The following PDCD11 variants were observed in gnomAD, a reference collection of about 807,000 sequenced individuals.
PDCD11 encodes the protein protein RRP5 homolog.
In PDCD11, 97 loss-of-function variants were observed where a neutral mutation model predicts 198.9. The ratio of observed to expected loss-of-function variants is 0.49; its 90% CI spans 0.41 to 0.58. The LOEUF is 0.58. Ranked by LOEUF, PDCD11 falls within the 20% of genes least tolerant of loss-of-function variation. The probability of loss-of-function intolerance (pLI) is 0.00; values close to 1 mark genes in which losing one functional copy is unlikely to be tolerated. For missense variants in PDCD11, 2,102 were observed against 2,312.7 expected, an observed-to-expected ratio of 0.91 and a Z score of 1.87; for synonymous variants, 893 against 918.0, an observed-to-expected ratio of 0.97 and a Z score of 0.49.
intron 8 of PDCD11, 25 bp downstream of exon 8, chr10:103,409,831 T>C (rs1331451735): frequency 5.8e-6 from 9 of 1,556,360 alleles, no homozygotes; most frequent in African/African-American, 1.4e-5. Flanking sequence ...GCCTATATTT[T>C]CTTGATTCCA....
chr10:103,413,887 T>C lies in PDCD11; in HGVS notation c.1186-79T>C, dbSNP rs1224040108. The C allele has an allele frequency of 2.9e-6, 4 of 1,356,036 alleles. No homozygotes were observed. In the Admixed American group the frequency reaches 9.3e-5, roughly 31 times the overall value. The allele number at this position is 1,356,036 out of a possible 1,614,324, so 84.0% of individuals were successfully genotyped here. Reference sequence around the variant, plus strand: ...TTTATGGTACATGATAAGTGTTGAGTCCTCTCTATGGGCTGTAAGGTCTCA... The same window carrying C: ...TTTATGGTACATGATAAGTGTTGAGCCCTCTCTATGGGCTGTAAGGTCTCA... On this transcript the variant is annotated intron_variant, in intron 9 of 35. Coordinates refer to ENST00000369797, the MANE Select transcript of PDCD11 (RefSeq NM_014976.2).
In PDCD11 at chr10:103,440,597, G is replaced by C. The variant is rs376170697; in HGVS notation, c.4440+16G>C. The C allele has an allele frequency of 1.5e-4, 240 of 1,608,872 alleles. No homozygotes were observed. Among genetic ancestry groups the C allele is most frequent in the Non-Finnish European group, 1.9e-4 (227 of 1,178,290 alleles). Reference sequence around the variant, plus strand: ...GAGTGAGCAGGTGAGGTCCTGCGGAGGGCTGTGGCTGCCTATCCTCCTCCT... The same window carrying C: ...GAGTGAGCAGGTGAGGTCCTGCGGACGGCTGTGGCTGCCTATCCTCCTCCT... On this transcript the variant is annotated intron_variant, in intron 29 of 35. Coordinates refer to ENST00000369797, the MANE Select transcript of PDCD11 (RefSeq NM_014976.2).
chr10:103,422,878 G>C, intron 17 of PDCD11, 110 bp from the exon 18 acceptor site: 11 of 1,035,932 alleles, frequency 1.1e-5, no homozygotes, highest in Non-Finnish European at 1.4e-5. Context: ...TACCTTGTCA[G>C]TGGTTCCAGT....
intron 21 of PDCD11, 64 bp downstream of exon 21, chr10:103,427,455 C>T (rs973851161): frequency 2.6e-5 from 34 of 1,284,244 alleles, no homozygotes; most frequent in Non-Finnish European, 2.8e-5. Flanking sequence ...TTAGGAATCC[C>T]GAATTCGAAT....
chr10:103,411,221 C>T (rs1049707244), intron 8 of PDCD11, among the ~76,000 whole-genome samples: 2 of 152,018 alleles, frequency 1.3e-5, no homozygotes, highest in African/African-American at 4.8e-5. Context: ...TGGCTCCGCT[C>T]GTATTTAAAT....
intron 12 of PDCD11, 66 bp from the exon 13 acceptor site, chr10:103,416,416 AAGAGGTTGC>A (rs2133701424): frequency 6.5e-7 from 1 of 1,530,790 alleles, no homozygotes; most frequent in African/African-American, 1.4e-5. Context: ...TTTTGGGTTT[AAGAGGTTGC>A]AGAGACCAGC....
At chr10:103,419,770 CGGG>C in intron 16 of PDCD11, 62 bp downstream of exon 16, 1 of 1,456,060 alleles carries the variant, frequency 6.9e-7, no homozygotes, top group Non-Finnish European at 9.5e-7. Context: ...AACCTGAGGG[CGGG>C]TAGGGAGGAG....
In PDCD11 at chr10:103,418,530, C is replaced by T. The variant is rs1348887606; in HGVS notation, c.2002C>T (p.His668Tyr). The T allele has an allele frequency of 1.2e-6, 2 of 1,614,174 alleles. No homozygotes were observed. Among genetic ancestry groups the T allele is most frequent in the East Asian group, 2.2e-5 (1 of 44,882 alleles). ...CATCCGTGCTTTCCTCCCCACATCT[C>T]ATCTGTCGGACCACGTTGCCAACGG... Reference protein sequence around the residue: ...HNIRAFLPTSHLSDHVANGPL... With the variant: ...HNIRAFLPTSYLSDHVANGPL... Residue 668 changes from histidine to tyrosine, a missense_variant, in exon 15 of 36, where the codon CAT becomes TAT. By Grantham distance (83) the His-to-Tyr change is moderately conservative. Coordinates refer to ENST00000369797, the MANE Select transcript of PDCD11 (RefSeq NM_014976.2).
In PDCD11 at chr10:103,434,944, C is replaced by T; in HGVS notation, c.3814C>T (p.Leu1272=). 1 of 1,585,188 alleles carries T rather than the reference C, an allele frequency of 6.3e-7. No individual in the cohort carries two copies. The highest frequency in any genetic ancestry group is 8.6e-7 in the Non-Finnish European group (1 of 1,165,440). ...HMSDSYSETP[L]EDFVPQKVVR... ...GAGTGACTCCTACTCCGAGACGCCC[C>T]TGGAAGACTTCGTCCCCCAGAAGGT... is the stretch of plus-strand genomic sequence containing the variant. Residue 1272 remains leucine (L), a synonymous_variant, in exon 25 of 36, where the codon CTG becomes TTG. Coordinates refer to ENST00000369797, the MANE Select transcript of PDCD11 (RefSeq NM_014976.2).
rs763378831 is a variant in PDCD11, at chr10:103,425,397, T to C, written c.3177T>C (p.Ile1059=). 4 of 1,614,056 alleles carry C rather than the reference T, an allele frequency of 2.5e-6. No homozygotes were observed. The highest frequency in any genetic ancestry group is 3.4e-6 in the Non-Finnish European group (4 of 1,180,016). The change falls in exon 20 of 36, where the codon ATT becomes ATC. Residue 1059 remains isoleucine, a synonymous_variant. Transcript: ENST00000369797. Reference sequence around the variant, plus strand: ...TGGTTGTGACTCTGGAAGATGGCATTATTGGCTGTATCCATGCCTCCCACA... The same window carrying C: ...TGGTTGTGACTCTGGAAGATGGCATCATTGGCTGTATCCATGCCTCCCACA... ...THVVVTLEDG[I]IGCIHASHIL... is the part of the protein sequence containing the mutation.
intron 16 of PDCD11, among the ~76,000 whole-genome samples, chr10:103,420,267 T>C (rs2031349897): frequency 6.6e-6 from 1 of 152,092 alleles, no homozygotes; most frequent in Non-Finnish European, 1.5e-5. Context: ...CACTACACAT[T>C]GAAGGCCTTA....
At position 103,403,301 on chromosome 10, in the gene PDCD11, A is replaced by G; in HGVS notation, c.402+16A>G. ...ACCTCTGAAGGTAAGGGAAATCCGA[A>G]TGAAGCCTGTTATTGAAAATAAGTG... On this transcript the variant is annotated intron_variant, in intron 4 of 35. Coordinates refer to ENST00000369797, the MANE Select transcript of PDCD11 (RefSeq NM_014976.2). 2.5e-6 allele frequency: 4 copies of G among 1,603,860 alleles called. 1 individual carries two copies. The Middle Eastern group carries it at 5.0e-4, about 200-fold the overall frequency.
In PDCD11 at chr10:103,446,124, T is replaced by A. The variant is rs2032596531; in HGVS notation, c.*575T>A. On this transcript the variant is annotated 3_prime_UTR_variant, in exon 36 of 36. Transcript: ENST00000369797. ...CTGGGCTGCTGAGGAAAGCCACGGGTGTTGGCGTGAACTGATGATGTCTCA... is the reference window on the plus strand; with the variant it reads ...CTGGGCTGCTGAGGAAAGCCACGGGAGTTGGCGTGAACTGATGATGTCTCA... The A allele has an allele frequency of 6.5e-6, 1 of 154,636 alleles. No homozygotes were observed. Among genetic ancestry groups the A allele is most frequent in the Admixed American group, 6.3e-5 (1 of 15,876 alleles). The allele number at this position is 154,636 out of a possible 1,614,324, so 9.6% of individuals were successfully genotyped here.
Position 103,440,470 on chromosome 10 carries a change from C to A in PDCD11, c.4329C>A (p.Asn1443Lys). The change falls in exon 29 of 36, where the codon AAC becomes AAA. Residue 1443 changes from asparagine (N) to lysine (K), a missense_variant. Coordinates refer to ENST00000369797, the MANE Select transcript of PDCD11 (RefSeq NM_014976.2). ...KKNQKRNEKK[N>K]QKGQEEVEMP... ...ATCAGAAAAGGAACGAGAAGAAGAACCAGAAGGGGCAGGAGGAGGTGGAGA... is the reference window on the plus strand; with the variant it reads ...ATCAGAAAAGGAACGAGAAGAAGAAACAGAAGGGGCAGGAGGAGGTGGAGA... 5 of 1,613,932 alleles carry A rather than the reference C, an allele frequency of 3.1e-6. No individual in the cohort carries two copies. The South Asian group carries it at 5.5e-5, about 18-fold the overall frequency.
Position 103,403,200 on chromosome 10 carries a change from T to G in PDCD11, c.317T>G (p.Leu106Arg), listed in dbSNP as rs1355129185. The G allele has an allele frequency of 6.2e-7, 1 of 1,614,140 alleles. No homozygotes were observed. The highest frequency in any genetic ancestry group is 1.7e-5 in the Admixed American group (1 of 60,014). The change falls in exon 4 of 36, where the codon CTC becomes CGC. Residue 106 changes from leucine to arginine, a missense_variant. Leu to Arg is a moderately radical substitution (Grantham distance 102). Transcript: ENST00000369797. ...LELVISLPNG[L>R]QGFVQVTEIC... The stretch of plus-strand genomic sequence containing the variant: ...CTGGTGATTAGTCTCCCCAATGGCC[T>G]CCAGGGCTTTGTGCAAGTCACTGAA...
At chr10:103,421,302 A>T (rs1204813118) in intron 16 of PDCD11, 46 bp from the exon 17 acceptor site, 1 of 1,479,898 alleles carries the variant, frequency 6.8e-7, no homozygotes, top group Admixed American at 1.9e-5. Flanking sequence ...GGTTGTCTTA[A>T]TGAAGACCTT....
intron 8 of PDCD11, among the ~76,000 whole-genome samples, chr10:103,410,881 C>T (rs1365290708): frequency 6.6e-6 from 1 of 151,792 alleles, no homozygotes; most frequent in East Asian, 1.9e-4. Context: ...CAAAACCAGC[C>T]TGGCCAGCAT....
rs1199030644 is a variant in PDCD11, at chr10:103,400,568, G to A, written c.234+40G>A. 1.9e-6 allele frequency: 3 copies of A among 1,581,384 alleles called. 1 individual carries two copies. In the South Asian group the frequency reaches 3.5e-5, roughly 18 times the overall value. ...GTTTTCATTTAAACAATCGACCTTGGTTGCTTAAGTTTGTGTATGTTCTTT... is the reference window on the plus strand; with the variant it reads ...GTTTTCATTTAAACAATCGACCTTGATTGCTTAAGTTTGTGTATGTTCTTT... On this transcript the variant is annotated intron_variant, in intron 3 of 35. Coordinates refer to ENST00000369797, the MANE Select transcript of PDCD11 (RefSeq NM_014976.2).
intron 22 of PDCD11, 88 bp from the exon 23 acceptor site, chr10:103,433,860 C>T (rs545156963): frequency 2.6e-4 from 260 of 1,016,282 alleles, no homozygotes; most frequent in Non-Finnish European, 3.6e-4. Context: ...TACTGGGGCC[C>T]TTTCCACCTT....
Sources: allele counts gnomAD v4.1 joint callset (sites outside exome capture counted in the v4.1 genomes callset), GRCh38; gene constraint gnomAD v4.1.1; transcripts MANE v1.5; gene names NCBI Gene and HGNC (gene_info 2026-07-23, HGNC 2026-07-21).